Variants in MYO7B observed in about 807,000 individuals in gnomAD.
The protein encoded by MYO7B is myosin VIIB, also known as unconventional myosin-VIIb.
MYO7B carries 212 observed loss-of-function variants against 259.7 expected under a neutral mutation model. The observed-to-expected ratio is 0.82, with a 90% CI of 0.73 to 0.91. MYO7B has a LOEUF of 0.91. Among genes scored for constraint, MYO7B ranks in the 40% least tolerant of loss-of-function variants. The pLI is 0.00. For synonymous variants in MYO7B, 1,197 were observed against 1,166.4 expected, an observed-to-expected ratio of 1.03 and a Z score of -0.54; for missense variants, 2,732 against 2,813.5, an observed-to-expected ratio of 0.97 and a Z score of 0.66.
chr2:127,635,039 C>A, intron 42 of MYO7B, 81 bp from the exon 43 acceptor site: 2 of 1,113,730 alleles, frequency 1.8e-6, no homozygotes, highest in Non-Finnish European at 2.7e-6. Context: ...AGGTGGCAGG[C>A]GCAGTGTGGG....
intron 2 of MYO7B, among the ~76,000 whole-genome samples, chr2:127,561,657 C>T (rs1425283006): frequency 6.6e-6 from 1 of 152,198 alleles, no homozygotes; most frequent in African/African-American, 2.4e-5. Flanking sequence ...TTCACAGCAG[C>T]CCTGTGAAGC....
At chr2:127,572,146 T>C (rs1048391790) in intron 6 of MYO7B, among the ~76,000 whole-genome samples, 17 of 152,214 alleles carry the variant, frequency 1.1e-4, no homozygotes, top group African/African-American at 4.1e-4. Context: ...TGGCTGGGCA[T>C]GATGGCTTAT....
chr2:127,587,414 G>T (rs1415729155), intron 14 of MYO7B, among the ~76,000 whole-genome samples: 1 of 152,150 alleles, frequency 6.6e-6, no homozygotes, highest in South Asian at 2.1e-4. Context: ...GAGTTCTAGA[G>T]GCTGGAAGTC....
chr2:127,574,024 G>A lies in MYO7B; in HGVS notation c.697G>A (p.Glu233Lys), dbSNP rs376338752. 1.5e-5 allele frequency: 24 copies of A among 1,613,902 alleles called. No individual in the cohort carries two copies. Among genetic ancestry groups the A allele is most frequent in the East Asian group, 2.2e-5 (1 of 44,890 alleles). ...CGGGGTGATCGAGGGCGCGCGCATC[G>A]AGCAATTTCTCCTGGAGAAGTCCCG... ...PSGVIEGARI[E>K]QFLLEKSRVC... is the part of the protein sequence containing the mutation. The change falls in exon 7 of 48, where the codon GAG becomes AAG. Residue 233 changes from glutamate (E) to lysine (K), a missense_variant. Physicochemically the swap from Glu to Lys is moderately conservative, Grantham distance 56 (BLOSUM62 1). This residue lies in a region of MYO7B where 1,906 missense variants were observed against 2,026.4 expected (regional missense o/e 0.94). Transcript: ENST00000409816.
intron 9 of MYO7B, among the ~76,000 whole-genome samples, chr2:127,579,935 C>G (rs1451012293): frequency 2.0e-5 from 3 of 152,092 alleles, no homozygotes. Context: ...TTTAGGGACT[C>G]TATGTAGGGA....
chr2:127,617,705 T>A (rs1680631372), intron 26 of MYO7B, among the ~76,000 whole-genome samples: 1 of 150,656 alleles, frequency 6.6e-6, no homozygotes, highest in Non-Finnish European at 1.5e-5. Context: ...GGTTTCACCT[T>A]GTTAGCCAGG....
chr2:127,632,300 G>A lies in MYO7B; in HGVS notation c.5304G>A (p.Pro1768=), dbSNP rs370007088. ...QLLWLCTGLF[P]PSKGLLPHAQ... ...TGTGGCTGTGCACGGGCCTCTTCCC[G>A]CCCAGCAAGGGGCTGCTGCCCCATG... The change falls in exon 39 of 48, where the codon CCG becomes CCA. Residue 1768 remains proline, a synonymous_variant. Transcript: ENST00000409816. The A allele has an allele frequency of 1.1e-5, 18 of 1,611,352 alleles. No homozygotes were observed. The highest frequency in any genetic ancestry group is 6.7e-5 in the Admixed American group (4 of 59,810).
chr2:127,540,632 G>C (rs747522283), intron 1 of MYO7B, among the ~76,000 whole-genome samples: 1 of 152,196 alleles, frequency 6.6e-6, no homozygotes, highest in African/African-American at 2.4e-5. Context: ...GAATGAAGGG[G>C]GGCATCCAAT....
intron 43 of MYO7B, 97 bp from the exon 44 acceptor site, chr2:127,635,625 G>A (rs1427510893): frequency 1.5e-6 from 2 of 1,325,096 alleles, no homozygotes; most frequent in Non-Finnish European, 2.1e-6. Flanking sequence ...GATGGAGTGG[G>A]CTAAGCCCCA....
chr2:127,584,983 G>T lies in MYO7B; in HGVS notation c.1690+70G>T. 2 of 1,581,778 alleles carry T rather than the reference G, an allele frequency of 1.3e-6. No homozygotes were observed. Among genetic ancestry groups the T allele is most frequent in the Non-Finnish European group, 1.7e-6 (2 of 1,159,610 alleles). On this transcript the variant is annotated intron_variant, in intron 14 of 47. Transcript: ENST00000409816. This position sits in a 1 kb window ranked among gnomAD's most constrained non-coding sequence, Gnocchi z 5.8. The stretch of plus-strand genomic sequence containing the variant: ...GTTCCAGGGAGACCGTGGAAAGCAG[G>T]CTCAGAGGATGAGGCTATTTTGCAG...
intron 26 of MYO7B, among the ~76,000 whole-genome samples, chr2:127,617,798 G>A (rs957587833): frequency 1.3e-5 from 2 of 150,890 alleles, no homozygotes; most frequent in South Asian, 2.1e-4. Flanking sequence ...CACCGCGCCC[G>A]GCCTTGTAAC....
chr2:127,597,778 C>T lies in MYO7B; in HGVS notation c.2339+1222C>T, dbSNP rs558358943. On this transcript the variant is annotated intron_variant, in intron 19 of 47. Coordinates refer to ENST00000409816, the MANE Select transcript of MYO7B (RefSeq NM_001393586.1). This position sits in a 1 kb window ranked among gnomAD's most constrained non-coding sequence, Gnocchi z 4.8. ...GCCTCCAAAGTAGCTGGTACTACTACAGGCGCCCGCCACCATGCCTGGCTA... is the reference window on the plus strand; with the variant it reads ...GCCTCCAAAGTAGCTGGTACTACTATAGGCGCCCGCCACCATGCCTGGCTA... 1.3e-3 allele frequency among the ~76,000 whole-genome samples: 191 copies of T among 152,126 alleles called. 1 individual carries two copies. The highest frequency in any genetic ancestry group is 3.9e-3 in the African/African-American group (162 of 41,494).
At position 127,636,394 on chromosome 2, in the gene MYO7B, G is replaced by C. The variant is rs1681807954; in HGVS notation, c.6123+70G>C. 1.3e-6 allele frequency: 2 copies of C among 1,491,916 alleles called. No individual in the cohort carries two copies. Among genetic ancestry groups the C allele is most frequent in the Admixed American group, 3.5e-5 (2 of 57,234 alleles). The allele number at this position is 1,491,916 out of a possible 1,614,324, so 92.4% of individuals were successfully genotyped here. A position where few individuals can be genotyped will look rare whatever the true frequency, so the allele number is the denominator to read the frequency against. On this transcript the variant is annotated intron_variant, in intron 45 of 47. Transcript: ENST00000409816. This position sits in a 1 kb window ranked among gnomAD's most constrained non-coding sequence, Gnocchi z 4.5. ...GCTCAGCCCAGCCCCAGCAGGCCCA[G>C]CGTCAACCAGCACACATCTTGGGTG... is the stretch of plus-strand genomic sequence containing the variant.
rs200856990 is a variant in MYO7B at position 127,627,641 on chromosome 2, A to C, written c.4460+331A>C. ...GCTCCTTTCTTTGTCATGGACGAGA[A>C]CTGGTGGCCTGGAGGGTACAGGTTG... is the stretch of plus-strand genomic sequence containing the variant. On this transcript the variant is annotated intron_variant, in intron 33 of 47. Transcript: ENST00000409816. The surrounding 1 kb of genome is among the most constrained non-coding windows in gnomAD (Gnocchi z 5.6). 1.1e-3 allele frequency: 544 copies of C among 478,104 alleles called. 1 individual carries two copies. The highest frequency in any genetic ancestry group is 1.7e-3 in the Non-Finnish European group (420 of 241,792). 29.6% of individuals were successfully genotyped at this position (478,104 alleles called of 1,614,324 possible).
In MYO7B at chr2:127,636,740, A is replaced by C; in HGVS notation, c.6208-54A>C. 6.2e-7 allele frequency: 1 copy of C among 1,611,844 alleles called. No homozygotes were observed. Among genetic ancestry groups the C allele is most frequent in the Non-Finnish European group, 8.5e-7 (1 of 1,179,036 alleles). ...CTGCCTCTCTCCTGTCCCCTAACAC[A>C]CACAGAGCCCGTGCTCTGGAGGCGT... is the stretch of plus-strand genomic sequence containing the variant. On this transcript the variant is annotated intron_variant, in intron 46 of 47. Coordinates refer to ENST00000409816, the MANE Select transcript of MYO7B (RefSeq NM_001393586.1). The surrounding 1 kb of genome is among the most constrained non-coding windows in gnomAD (Gnocchi z 4.5).
rs3217355 is a variant in MYO7B, at chr2:127,637,302, C to CCT, written c.6328-14_6328-13insCT. The stretch of plus-strand genomic sequence containing the variant: ...CTGCACCCACAGCCTCTGACCCCCC[C>CCT]GTCCCCTGTCCAGGGCTATAAGATG... On this transcript the variant is annotated splice_polypyrimidine_tract_variant and intron_variant, in intron 47 of 47. Transcript: ENST00000409816. The CCT allele has an allele frequency of 1.6e-4, 257 of 1,563,042 alleles. No individual in the cohort carries two copies. Among genetic ancestry groups the CCT allele is most frequent in the South Asian group, 1.6e-3 (136 of 84,946 alleles).
chr2:127,578,321 G>T, intron 9 of MYO7B, 35 bp downstream of exon 9: 4 of 1,612,184 alleles, frequency 2.5e-6, no homozygotes, highest in Non-Finnish European at 3.4e-6. Flanking sequence ...CACCCTTGGG[G>T]AGGGAGAGGG....
At chr2:127,568,397 G>A (rs1213143218) in intron 5 of MYO7B, among the ~76,000 whole-genome samples, 1 of 152,190 alleles carries the variant, frequency 6.6e-6, no homozygotes, top group Non-Finnish European at 1.5e-5. Flanking sequence ...TTCTCCTCCT[G>A]CCCTTTCCTC....
chr2:127,594,637 A>G (rs761880039), intron 18 of MYO7B, among the ~76,000 whole-genome samples: 5 of 152,242 alleles, frequency 3.3e-5, no homozygotes, highest in Non-Finnish European at 5.9e-5. Flanking sequence ...ATTTTGAGGC[A>G]TGTTCCTTCA....
Sources: gnomAD v4.1 joint callset for allele counts (sites outside exome capture counted in the v4.1 genomes callset) on GRCh38, gnomAD v4.1.1 for gene constraint, gnomAD v4.1.1 regional missense constraint, Gnocchi (gnomAD v3.1) non-coding constraint, MANE v1.5 for transcripts, NCBI Gene and HGNC (gene_info 2026-07-23, HGNC 2026-07-21) for gene names.